The following AOX1 variants were observed in gnomAD, a reference collection of about 807,000 sequenced individuals.
AOX1 encodes the protein aldehyde oxidase.
A neutral mutation model predicts 169.5 loss-of-function variants in AOX1; 153 were observed. That is an observed-to-expected ratio of 0.90 (90% CI 0.79 to 1.03). The LOEUF is 1.03. Ranked by LOEUF, AOX1 falls within the 50% of genes least tolerant of loss-of-function variation. The pLI is 0.00. For synonymous variants in AOX1, 562 were observed against 581.9 expected (o/e 0.97, Z 0.49); for missense variants, 1,656 against 1,663.9 (o/e 1.00, Z 0.08).
intron 1 of AOX1, among the ~76,000 whole-genome samples, chr2:200,591,110 A>G (rs1323767679): frequency 6.6e-6 from 1 of 152,182 alleles, no homozygotes; most frequent in African/African-American, 2.4e-5. Context: ...ACCAAATCAT[A>G]CATAGCATGT....
intron 27 of AOX1, among the ~76,000 whole-genome samples, chr2:200,657,190 A>ATATATATATATATATTT: frequency 8.6e-4 from 54 of 62,850 alleles, no homozygotes; most frequent in Middle Eastern, 9.3e-3. Flanking sequence ...ATATATATAT[A>ATATATATATATATATTT]TTTTTTTTTT....
At position 200,660,739 on chromosome 2, in the gene AOX1, G is replaced by A. The variant is rs534723428; in HGVS notation, c.3375+670G>A. 3.1e-4 allele frequency among the ~76,000 whole-genome samples: 47 copies of A among 152,300 alleles called. 1 individual carries two copies. Among genetic ancestry groups the A allele is most frequent in the Admixed American group, 2.4e-3 (36 of 15,302 alleles). ...CAGTTTTTGCAACCTTACAAATACA[G>A]GTCTGGGGGAAATAACATTTGAGGA... On this transcript the variant is annotated intron_variant, in intron 29 of 34. Coordinates refer to ENST00000374700, the MANE Select transcript of AOX1 (RefSeq NM_001159.4).
intron 31 of AOX1, 79 bp from the exon 32 acceptor site, chr2:200,666,608 T>C (rs2035928001): frequency 1.0e-6 from 1 of 985,528 alleles, no homozygotes; most frequent in South Asian, 2.0e-5. Context: ...AAAGTCAGCC[T>C]GGCAGGAAGT....
downstream of AOX1, chr2:200,678,554 T>G (rs748370401): frequency 2.6e-5 from 4 of 152,144 alleles, no homozygotes; most frequent in Non-Finnish European, 5.9e-5. Context: ...CCAACCTATT[T>G]TAAATGATTC....
Position 200,641,140 on chromosome 2 carries a change from G to C in AOX1, c.2611G>C (p.Glu871Gln), listed in dbSNP as rs758852789. 4 of 1,613,496 alleles carry C rather than the reference G, an allele frequency of 2.5e-6. No homozygotes were observed. The highest frequency in any genetic ancestry group is 1.3e-5 in the African/African-American group (1 of 75,024). Residue 871 changes from glutamate to glutamine, a missense_variant, in exon 24 of 35, where the codon GAG becomes CAG. Glu to Gln is a conservative substitution (Grantham distance 29). Coordinates refer to ENST00000374700, the MANE Select transcript of AOX1 (RefSeq NM_001159.4). The part of the protein sequence containing the change: ...NDGRILALDM[E>Q]HYSNAGASLD... ...TGGCAGAATCTTGGCCCTGGACATG[G>C]AGCATTACAGCAATGCAGGCGCCTC...
intron 31 of AOX1, among the ~76,000 whole-genome samples, chr2:200,664,453 C>T (rs1341919477): frequency 6.6e-6 from 1 of 152,188 alleles, no homozygotes; most frequent in Admixed American, 6.5e-5. Context: ...GTCCCTTCTC[C>T]CTCAAAGCAA....
intron 26 of AOX1, among the ~76,000 whole-genome samples, chr2:200,653,193 A>C (rs573946471): frequency 6.6e-6 from 1 of 152,318 alleles, no homozygotes; most frequent in African/African-American, 2.4e-5. Context: ...GATTCAGCTC[A>C]GCTGAGAACA....
chr2:200,658,461 C>G (rs7562507), intron 27 of AOX1, among the ~76,000 whole-genome samples: 23,271 of 152,190 alleles, frequency 0.15, 2,145 homozygotes, highest in African/African-American at 0.26. Context: ...CTATTGCACT[C>G]TGTGTGGATG....
At chr2:200,639,490 T>A (rs1001903695) in intron 23 of AOX1, among the ~76,000 whole-genome samples, 2 of 152,230 alleles carry the variant, frequency 1.3e-5, no homozygotes, top group African/African-American at 4.8e-5. Context: ...CAAAACTGCA[T>A]AACTAATACA....
chr2:200,587,190 G>A (rs1302243220), intron 1 of AOX1, among the ~76,000 whole-genome samples: 3 of 152,066 alleles, frequency 2.0e-5, no homozygotes, highest in African/African-American at 7.2e-5. Context: ...ACTGGGGAGG[G>A]TGAAGGAGGA....
At chr2:200,631,832 T>A (rs182555757) in intron 20 of AOX1, among the ~76,000 whole-genome samples, 1 of 152,312 alleles carries the variant, frequency 6.6e-6, no homozygotes, top group Admixed American at 6.5e-5. Context: ...ACTGCAAGCT[T>A]GAATGTAAGC....
At chr2:200,672,566 G>C (rs1380094677), downstream of AOX1, among the ~76,000 whole-genome samples, 1 of 152,186 alleles carries the variant, frequency 6.6e-6, no homozygotes, top group East Asian at 1.9e-4. Context: ...ACTGTACTAG[G>C]CACTTGAGAT....
chr2:200,586,207 G>T lies in AOX1; in HGVS notation c.45+54G>T, dbSNP rs2034027413. 3.3e-6 allele frequency: 5 copies of T among 1,498,694 alleles called. No homozygotes were observed. The Admixed American group carries it at 6.6e-5, about 20-fold the overall frequency. The allele number at this position is 1,498,694 out of a possible 1,614,324, so 92.8% of individuals were successfully genotyped here. A position where few individuals can be genotyped will look rare whatever the true frequency, so the allele number is the denominator to read the frequency against. On this transcript the variant is annotated intron_variant, in intron 1 of 34. Coordinates refer to ENST00000374700, the MANE Select transcript of AOX1 (RefSeq NM_001159.4). ...CAGACCTGCGGCCAGGGCCGGGGCA[G>T]AGAGGAGCCCCTGCCGTTCGTCCCA...
chr2:200,592,393 G>T (rs957147932), intron 1 of AOX1, among the ~76,000 whole-genome samples: 7 of 152,180 alleles, frequency 4.6e-5, no homozygotes, highest in African/African-American at 1.7e-4. Flanking sequence ...CTTCTGAAAT[G>T]GCAAAGCAAG....
intron 31 of AOX1, 115 bp from the exon 32 acceptor site, chr2:200,666,572 C>G: frequency 1.9e-6 from 1 of 521,584 alleles, no homozygotes; most frequent in Non-Finnish European, 3.2e-6. Flanking sequence ...TTCGAAATGA[C>G]ATGGCTGAAA....
chr2:200,676,845 A>C, intron 4 of AOX1: 1 of 459,510 alleles, frequency 2.2e-6, no homozygotes, highest in Middle Eastern at 3.3e-4. Flanking sequence ...ATGGCCCCGG[A>C]AGCTGCTTCA....
chr2:200,597,213 C>G (rs900118374), intron 3 of AOX1, among the ~76,000 whole-genome samples, 184 bp from the exon 4 acceptor site: 4 of 152,204 alleles, frequency 2.6e-5, no homozygotes, highest in Non-Finnish European at 4.4e-5. Flanking sequence ...GTAAATCACT[C>G]TGATCCTCAG....
intron 5 of AOX1, among the ~76,000 whole-genome samples, chr2:200,600,163 A>G (rs1280680197): frequency 6.6e-6 from 1 of 152,192 alleles, no homozygotes; most frequent in African/African-American, 2.4e-5. Context: ...TCAAATCAGG[A>G]TTCAAACCAA....
intron 15 of AOX1, among the ~76,000 whole-genome samples, chr2:200,614,417 C>T (rs550964845): frequency 2.6e-5 from 4 of 152,242 alleles, no homozygotes; most frequent in South Asian, 2.1e-4. Flanking sequence ...CTGTGAAATG[C>T]GTCATTGTAG....
Sources: gnomAD v4.1 joint callset for allele counts (sites outside exome capture counted in the v4.1 genomes callset) on GRCh38, gnomAD v4.1.1 for gene constraint, MANE v1.5 for transcripts, NCBI Gene and HGNC (gene_info 2026-07-23, HGNC 2026-07-21) for gene names.